The following SLC5A9 variants were observed in gnomAD, a reference collection of about 807,000 sequenced individuals.
SLC5A9 encodes the protein sodium/glucose cotransporter 4.
Under a neutral mutation model 70.9 loss-of-function variants are expected in SLC5A9, and 59 were observed. The observed-to-expected ratio is 0.83, with a 90% CI of 0.68 to 1.03. The LOEUF (loss-of-function observed/expected upper bound fraction) is 1.03, where lower values mean the gene tolerates loss of function less well. Among genes scored for constraint, SLC5A9 ranks in the 50% least tolerant of loss-of-function variants. SLC5A9 has a pLI of 0.00. For missense variants in SLC5A9, 832 were observed against 881.1 expected (o/e 0.94, Z 0.71); for synonymous variants, 340 against 346.5 (o/e 0.98, Z 0.21).
chr1:48,235,627 C>A, intron 9 of SLC5A9, 102 bp from the exon 10 acceptor site: 1 of 1,405,662 alleles, frequency 7.1e-7, no homozygotes, highest in Non-Finnish European at 9.8e-7. Context: ...CTCATCCCCA[C>A]CCCCAGCTCC....
chr1:48,235,944 C>T, intron 10 of SLC5A9, 65 bp downstream of exon 10: 1 of 1,597,402 alleles, frequency 6.3e-7, no homozygotes, highest in Non-Finnish European at 8.6e-7. Context: ...CCTGGGTTAC[C>T]CTGAACAGAG....
At chr1:48,224,576 C>T in intron 1 of SLC5A9, 148 bp from the exon 2 acceptor site, 1 of 699,424 alleles carries the variant, frequency 1.4e-6, no homozygotes, top group Non-Finnish European at 2.5e-6. Context: ...ACTGTGGAAC[C>T]AGCCTCAGGC....
intron 10 of SLC5A9, among the ~76,000 whole-genome samples, chr1:48,236,246 A>C (rs2148580319): frequency 6.6e-6 from 1 of 152,276 alleles, no homozygotes; most frequent in East Asian, 1.9e-4. Context: ...GGTTAAAAAA[A>C]AATGCTATTA....
chr1:48,228,809 CACTCCTG>C (rs1157775015), intron 2 of SLC5A9, 34 bp from the exon 3 acceptor site: 1 of 1,606,920 alleles, frequency 6.2e-7, no homozygotes, highest in Admixed American at 1.7e-5. Flanking sequence ...TCATTCAGAT[CACTCCTG>C]ACTCCTGACC....
rs761521781 is a variant in SLC5A9, at chr1:48,230,662, C to T, written c.567C>T (p.Ser189=). ...CATTGGGCTGGAACCTGTACCTCTC[C>T]ACAGGGATCCTGCTGGTGGTGACTG... ...QMALGWNLYL[S]TGILLVVTAV... is the part of the protein sequence containing the mutation. Residue 189 remains serine, a synonymous_variant, in exon 5 of 14, where the codon TCC becomes TCT. Transcript: ENST00000438567. 1 of 1,614,072 alleles carries T rather than the reference C, an allele frequency of 6.2e-7. No homozygotes were observed. The highest frequency in any genetic ancestry group is 8.5e-7 in the Non-Finnish European group (1 of 1,179,986).
chr1:48,231,852 C>G, intron 6 of SLC5A9, 94 bp from the exon 7 acceptor site: 1 of 1,578,282 alleles, frequency 6.3e-7, no homozygotes, highest in East Asian at 2.3e-5. Context: ...CATGCCAGTT[C>G]CAACCTGAGG....
In SLC5A9 at chr1:48,238,229, A is replaced by C. The variant is rs78017124; in HGVS notation, c.1461+382A>C. Among the ~76,000 whole-genome samples, 28 of 152,302 alleles carry C rather than the reference A, an allele frequency of 1.8e-4. No individual in the cohort carries two copies. The East Asian group carries it at 5.2e-3, about 28-fold the overall frequency. ...AAGTGACATCTGAGCTGAGGCCTGA[A>C]GGATTAATGAGAGGGGGAAGAATGT... On this transcript the variant is annotated intron_variant, in intron 11 of 13. Transcript: ENST00000438567.
In SLC5A9 at chr1:48,224,782, T is replaced by C. The variant is rs776209170; in HGVS notation, c.221T>C (p.Met74Thr). The change falls in exon 2 of 14, where the codon ATG becomes ACG. Residue 74 changes from methionine to threonine, a missense_variant. Physicochemically the swap from Met to Thr is moderately conservative, Grantham distance 81 (BLOSUM62 -1). Transcript: ENST00000438567. ...GGCTATTTCCTGGCCGGGAGGTCCA[T>C]GAGCTGGTGGCCAGTGAGTTGACCC... ...IGGYFLAGRS[M>T]SWWPIGASLM... 24 of 1,613,494 alleles carry C rather than the reference T, an allele frequency of 1.5e-5. No individual in the cohort carries two copies. In the South Asian group the frequency reaches 2.2e-4, roughly 15 times the overall value.
chr1:48,235,045 G>A (rs1000953142), intron 9 of SLC5A9, among the ~76,000 whole-genome samples: 2 of 152,128 alleles, frequency 1.3e-5, no homozygotes, highest in African/African-American at 4.8e-5. Flanking sequence ...CACCAGGGCT[G>A]GGATCATCTC....
Position 48,229,402 on chromosome 1 carries a change from G to A in SLC5A9, c.447G>A (p.Arg149=), listed in dbSNP as rs1404530929. The part of the protein sequence containing the change: ...QYLKKRFGGQ[R]IQVYMSVLSL... ...TGAAGAAGCGATTTGGGGGCCAGAG[G>A]ATCCAGGTGTACATGTCTGTCCTGT... Residue 149 remains arginine (R), a synonymous_variant, in exon 4 of 14, where the codon AGG becomes AGA. Coordinates refer to ENST00000438567, the MANE Select transcript of SLC5A9 (RefSeq NM_001011547.3). The A allele has an allele frequency of 1.2e-6, 2 of 1,614,000 alleles. No individual in the cohort carries two copies. Among genetic ancestry groups the A allele is most frequent in the Admixed American group, 3.3e-5 (2 of 60,002 alleles).
chr1:48,245,607 C>T (rs1022012402), intron 13 of SLC5A9, among the ~76,000 whole-genome samples: 1 of 152,152 alleles, frequency 6.6e-6, no homozygotes. Flanking sequence ...AGAGGCACCC[C>T]CTCTCCAAAG....
chr1:48,237,603 C>T, intron 10 of SLC5A9, 76 bp from the exon 11 acceptor site: 1 of 1,425,976 alleles, frequency 7.0e-7, no homozygotes, highest in Admixed American at 1.9e-5. Context: ...CTTCCTGGTT[C>T]CTGTGCATCA....
At position 48,237,798 on chromosome 1, in the gene SLC5A9, T is replaced by G; in HGVS notation, c.1412T>G (p.Ile471Ser). ...QAVTSYLAPPITALFLLAIFC... is the reference protein window; with the variant it reads ...QAVTSYLAPPSTALFLLAIFC... ...GTCACCAGTTACCTGGCCCCACCCA[T>G]CACCGCTCTCTTCCTGCTGGCCATC... The change falls in exon 11 of 14, where the codon ATC becomes AGC. Residue 471 changes from isoleucine (I) to serine (S), a missense_variant. Physicochemically the swap from Ile to Ser is moderately radical, Grantham distance 142. Coordinates refer to ENST00000438567, the MANE Select transcript of SLC5A9 (RefSeq NM_001011547.3). 6.2e-7 allele frequency: 1 copy of G among 1,614,092 alleles called. No individual in the cohort carries two copies. Among genetic ancestry groups the G allele is most frequent in the Non-Finnish European group, 8.5e-7 (1 of 1,180,014 alleles).
At chr1:48,241,867 C>A in intron 12 of SLC5A9, 1 of 454,136 alleles carries the variant, frequency 2.2e-6, no homozygotes, top group Admixed American at 2.4e-5. Context: ...GCCATATTAG[C>A]CTCTCCCATG....
Position 48,227,182 on chromosome 1 carries a change from T to A in SLC5A9, c.235-1668T>A, listed in dbSNP as rs111214198. On this transcript the variant is annotated intron_variant, in intron 2 of 13. Coordinates refer to ENST00000438567, the MANE Select transcript of SLC5A9 (RefSeq NM_001011547.3). The stretch of plus-strand genomic sequence containing the variant: ...GTGTGTCAGAGTGTGTGTGCGTGTG[T>A]GTGTGTACTGTGCCTGTGTGTGAGT... Among the ~76,000 whole-genome samples, 12 of 119,728 alleles carry A rather than the reference T, an allele frequency of 1.0e-4. No individual in the cohort carries two copies. The South Asian group carries it at 1.5e-3, about 15-fold the overall frequency. The allele number at this position is 119,728 out of a possible 152,430, so 78.5% of individuals were successfully genotyped here.
At chr1:48,246,254 C>A (rs956418797) in intron 13 of SLC5A9, among the ~76,000 whole-genome samples, 9 of 152,018 alleles carry the variant, frequency 5.9e-5, no homozygotes, top group Admixed American at 5.2e-4. Flanking sequence ...TGCTGAATTC[C>A]TATTATCGTT....
In SLC5A9 at chr1:48,242,571, G is replaced by A; in HGVS notation, c.1792G>A (p.Gly598Ser). Residue 598 changes from glycine (G) to serine (S), a missense_variant, in exon 13 of 14, where the codon GGT (glycine) becomes AGT (serine). Coordinates refer to ENST00000438567, the MANE Select transcript of SLC5A9 (RefSeq NM_001011547.3). ...ERPAGECPAGGGAAENSSLGQ... is the reference protein window; with the variant it reads ...ERPAGECPAGSGAAENSSLGQ... ...GCCAGCCGGGGAGTGCCCTGCAGGA[G>A]GTGGAGCGGCAGAGAACTCGAGCCT... The A allele has an allele frequency of 1.2e-6, 2 of 1,613,334 alleles. No homozygotes were observed. Among genetic ancestry groups the A allele is most frequent in the East Asian group, 2.2e-5 (1 of 44,856 alleles).
At chr1:48,241,985 G>A (rs1285282817) in intron 12 of SLC5A9, 1 of 456,374 alleles carries the variant, frequency 2.2e-6, no homozygotes, top group Non-Finnish European at 4.4e-6. Flanking sequence ...CATCCTCCAG[G>A]CTGGACCCCT....
intron 13 of SLC5A9, among the ~76,000 whole-genome samples, chr1:48,243,751 G>A (rs1644418713): frequency 1.3e-5 from 2 of 151,522 alleles, no homozygotes; most frequent in Non-Finnish European, 1.5e-5. Flanking sequence ...AGGCGTCCCA[G>A]GAAAATAAAT....
Sources: allele counts gnomAD v4.1 joint callset (sites outside exome capture counted in the v4.1 genomes callset), GRCh38; gene constraint gnomAD v4.1.1; transcripts MANE v1.5; gene names NCBI Gene and HGNC (gene_info 2026-07-23, HGNC 2026-07-21).